AXIN1: variants seen among roughly 807,000 people sequenced by gnomAD.
The protein encoded by AXIN1 is axin 1.
Under a neutral mutation model 76.4 loss-of-function variants are expected in AXIN1, and 30 were observed. The ratio of observed to expected loss-of-function variants is 0.39; its 90% CI spans 0.29 to 0.53. The LOEUF is 0.53. Among genes scored for constraint, AXIN1 ranks in the 20% least tolerant of loss-of-function variants. The probability of loss-of-function intolerance (pLI) is 0.66; values close to 1 mark genes in which losing one functional copy is unlikely to be tolerated. For missense variants in AXIN1, 1,140 were observed against 1,198.8 expected (o/e 0.95, Z 0.72); for synonymous variants, 545 against 501.4 (o/e 1.09, Z -1.16).
chr16:299,835 T>G (rs1382205646), intron 5 of AXIN1, among the ~76,000 whole-genome samples: 1 of 149,740 alleles, frequency 6.7e-6, no homozygotes, highest in African/African-American at 2.5e-5. Context: ...TTTTATATTT[T>G]TAGTAGAGAT....
chr16:287,995 C>A lies in AXIN1; in HGVS notation c.*127G>T. The A allele has an allele frequency of 1.3e-6, 2 of 1,510,904 alleles. No individual in the cohort carries two copies. The highest frequency in any genetic ancestry group is 3.3e-5 in the Admixed American group (2 of 59,762). The allele number at this position is 1,510,904 out of a possible 1,614,324, so 93.6% of individuals were successfully genotyped here. ...TACCTGCCTCTAGACACGGGTAGAC[C>A]ACAGGGATGGGTGGTACACCCAACA... On this transcript the variant is annotated 3_prime_UTR_variant, in exon 11 of 11. Coordinates refer to ENST00000262320, the MANE Select transcript of AXIN1 (RefSeq NM_003502.4).
chr16:314,822 A>G, intron 2 of AXIN1, 139 bp from the exon 3 acceptor site: 1 of 1,299,522 alleles, frequency 7.7e-7, no homozygotes, highest in Non-Finnish European at 1.1e-6. Context: ...GAGCATGGAG[A>G]AAAGACCAAC....
chr16:324,185 G>T (rs529469087), intron 2 of AXIN1, among the ~76,000 whole-genome samples: 5 of 139,408 alleles, frequency 3.6e-5, no homozygotes, highest in Middle Eastern at 7.5e-3. Context: ...TCAGTGAGCC[G>T]CCTTACGGGT....
chr16:306,426 C>A (rs1292707620), intron 4 of AXIN1, among the ~76,000 whole-genome samples: 1 of 152,216 alleles, frequency 6.6e-6, no homozygotes, highest in East Asian at 1.9e-4. Flanking sequence ...CCAGGGACAG[C>A]TCCCCTGTGA....
chr16:345,590 T>C (rs2054017573), intron 2 of AXIN1, among the ~76,000 whole-genome samples: 1 of 152,092 alleles, frequency 6.6e-6, no homozygotes, highest in Admixed American at 6.5e-5. Flanking sequence ...GGCACATGCC[T>C]GTAATCCCAG....
chr16:301,820 T>C (rs72765838), intron 5 of AXIN1, among the ~76,000 whole-genome samples: 3,305 of 152,046 alleles, frequency 0.022, 45 homozygotes, highest in Non-Finnish European at 0.032. Context: ...CTGCAGAAAA[T>C]GACAGCGGCC....
rs746540296 is a variant in AXIN1 at position 309,951 on chromosome 16, G to T, written c.1116+22C>A. The T allele has an allele frequency of 3.1e-6, 5 of 1,610,768 alleles. No individual in the cohort carries two copies. The South Asian group carries it at 5.5e-5, about 18-fold the overall frequency. ...CTGAGCGGGGAGGACGATGGGCTGAGGACCGCAAAGCCGGTACTTACGGGA... is the reference window on the plus strand; with the variant it reads ...CTGAGCGGGGAGGACGATGGGCTGATGACCGCAAAGCCGGTACTTACGGGA... On this transcript the variant is annotated intron_variant, in intron 4 of 10. Coordinates refer to ENST00000262320, the MANE Select transcript of AXIN1 (RefSeq NM_003502.4).
chr16:312,807 G>C (rs1350926773), intron 3 of AXIN1, among the ~76,000 whole-genome samples: 1 of 152,248 alleles, frequency 6.6e-6, no homozygotes, highest in Non-Finnish European at 1.5e-5. Context: ...TGGGCTGGCT[G>C]AATCTGGTTC....
intron 3 of AXIN1, 104 bp downstream of exon 3, chr16:314,439 C>T (rs1184734762): frequency 6.4e-7 from 1 of 1,552,820 alleles, no homozygotes; most frequent in Non-Finnish European, 8.8e-7. Context: ...AACAGGGTGT[C>T]TGGGGCAGGA....
At chr16:349,438 C>G (rs1352243788) in intron 1 of AXIN1, among the ~76,000 whole-genome samples, 5 of 152,222 alleles carry the variant, frequency 3.3e-5, no homozygotes, top group African/African-American at 9.6e-5. Flanking sequence ...GAAAGAAGGC[C>G]TGCACCCTGA....
Position 287,768 on chromosome 16 carries a change from G to C in AXIN1, c.*354C>G, listed in dbSNP as rs1387708465. ...GGCCCCACCCAGACCTGGGTACGTG[G>C]GCAAATCCCAGAGGGAAAGTAGATC... On this transcript the variant is annotated 3_prime_UTR_variant, in exon 11 of 11. Transcript: ENST00000262320. 1.6e-5 allele frequency: 7 copies of C among 438,188 alleles called. No individual in the cohort carries two copies. The allele number at this position is 438,188 out of a possible 1,614,324, so 27.1% of individuals were successfully genotyped here. A position where few individuals can be genotyped will look rare whatever the true frequency, so the allele number is the denominator to read the frequency against.
chr16:306,215 TAG>T (rs1341934445), intron 4 of AXIN1, among the ~76,000 whole-genome samples: 1 of 151,980 alleles, frequency 6.6e-6, no homozygotes, highest in Non-Finnish European at 1.5e-5. Flanking sequence ...CTGAACCAGT[TAG>T]AGTGTATTTA....
Position 291,213 on chromosome 16 carries a change from C to A in AXIN1, c.2271G>T (p.Ser757=). The change falls in exon 9 of 11, where the codon TCG becomes TCT. Residue 757 remains serine (S), a synonymous_variant. Transcript: ENST00000262320. Reference sequence around the variant, plus strand: ...ACTCTGTCTCGGAGAGCTCCATGTCCGACACGGCTGGTACCACGTGCAGCA... The same window carrying A: ...ACTCTGTCTCGGAGAGCTCCATGTCAGACACGGCTGGTACCACGTGCAGCA... ...APVLHVVPAV[S]DMELSETETR... The A allele has an allele frequency of 1.9e-6, 3 of 1,588,424 alleles. No homozygotes were observed. The highest frequency in any genetic ancestry group is 2.3e-5 in the East Asian group (1 of 43,874).
chr16:329,240 G>A (rs1597086626), intron 2 of AXIN1, among the ~76,000 whole-genome samples: 2 of 132,706 alleles, frequency 1.5e-5, no homozygotes, highest in African/African-American at 5.9e-5. Flanking sequence ...TCGCGCCACT[G>A]CACTCCAGCC....
intron 3 of AXIN1, among the ~76,000 whole-genome samples, chr16:314,071 G>A (rs925417348): frequency 1.3e-5 from 2 of 152,342 alleles, no homozygotes; most frequent in South Asian, 2.1e-4. Flanking sequence ...CAGCTGGCCT[G>A]TGCCTGTCTT....
At chr16:299,229 T>C (rs1348821713) in intron 5 of AXIN1, 3 of 985,312 alleles carry the variant, frequency 3.0e-6, no homozygotes, top group Non-Finnish European at 3.6e-6. Flanking sequence ...ATTTGATCAC[T>C]TTAATTCCAA....
At chr16:305,240 A>G (rs1328364247) in intron 4 of AXIN1, among the ~76,000 whole-genome samples, 1 of 152,208 alleles carries the variant, frequency 6.6e-6, no homozygotes, top group African/African-American at 2.4e-5. Context: ...AGCAGAGGCG[A>G]GCAGATTACT....
chr16:335,547 C>T (rs971662934), intron 2 of AXIN1, among the ~76,000 whole-genome samples: 1 of 151,718 alleles, frequency 6.6e-6, no homozygotes, highest in African/African-American at 2.4e-5. Flanking sequence ...AACATAGCAC[C>T]CAGTACCACT....
intron 7 of AXIN1, among the ~76,000 whole-genome samples, chr16:295,543 T>A (rs1451982151): frequency 6.6e-6 from 1 of 151,378 alleles, no homozygotes. Context: ...AGAGGGAGAC[T>A]CTGTCGCAAA....
Sources: gnomAD v4.1 joint callset for allele counts (sites outside exome capture counted in the v4.1 genomes callset) on GRCh38, gnomAD v4.1.1 for gene constraint, MANE v1.5 for transcripts, NCBI Gene and HGNC (gene_info 2026-07-23, HGNC 2026-07-21) for gene names.